Variants in CNOT4 observed in about 807,000 individuals in gnomAD.
The protein encoded by CNOT4 is CCR4-associated factor 4.
A neutral mutation model predicts 73.8 loss-of-function variants in CNOT4; 8 were observed. The ratio of observed to expected loss-of-function variants is 0.11; its 90% CI spans 0.06 to 0.20. The LOEUF (loss-of-function observed/expected upper bound fraction) is 0.20. Among genes scored for constraint, CNOT4 ranks in the 10% least tolerant of loss-of-function variants. The probability of loss-of-function intolerance (pLI) is 1.00; values close to 1 mark genes in which losing one functional copy is unlikely to be tolerated. For synonymous variants in CNOT4, 293 were observed against 321.1 expected (o/e 0.91, Z 0.94); for missense variants, 564 against 883.4 (o/e 0.64, Z 4.58).
chr7:135,449,925 T>C (rs370376950), intron 1 of CNOT4, among the ~76,000 whole-genome samples: 2 of 151,632 alleles, frequency 1.3e-5, no homozygotes, highest in East Asian at 3.9e-4. Flanking sequence ...CACAGAGAGG[T>C]AAAGAGACCC....
At chr7:135,453,478 G>C (rs529088175) in intron 1 of CNOT4, among the ~76,000 whole-genome samples, 39 of 151,698 alleles carry the variant, frequency 2.6e-4, no homozygotes, top group African/African-American at 9.4e-4. Context: ...GGAATATCCT[G>C]CCACCACTTC....
At chr7:135,390,892 T>C (rs1405148379) in intron 10 of CNOT4, among the ~76,000 whole-genome samples, 1 of 152,130 alleles carries the variant, frequency 6.6e-6, no homozygotes, top group Non-Finnish European at 1.5e-5. Flanking sequence ...GTTTAAAATA[T>C]TGTCTAAGTA....
At chr7:135,382,900 C>T (rs1032925819) in intron 10 of CNOT4, among the ~76,000 whole-genome samples, 3 of 152,082 alleles carry the variant, frequency 2.0e-5, no homozygotes, top group Non-Finnish European at 2.9e-5. Flanking sequence ...CCTACAGATA[C>T]CTAGGGATGA....
At chr7:135,486,252 AACAG>A (rs1802713759) in intron 1 of CNOT4, among the ~76,000 whole-genome samples, 1 of 152,166 alleles carries the variant, frequency 6.6e-6, no homozygotes, top group Non-Finnish European at 1.5e-5. Flanking sequence ...AAAAGACACA[AACAG>A]ACAATTCACT....
chr7:135,422,974 T>C (rs926113198), intron 2 of CNOT4, among the ~76,000 whole-genome samples: 1 of 152,160 alleles, frequency 6.6e-6, no homozygotes, highest in Non-Finnish European at 1.5e-5. Flanking sequence ...CACTGCATCC[T>C]AGCTCAGCCA....
intron 1 of CNOT4, among the ~76,000 whole-genome samples, chr7:135,449,488 A>C (rs1054004403): frequency 3.3e-5 from 5 of 152,234 alleles, no homozygotes; most frequent in Non-Finnish European, 7.3e-5. Context: ...TGTGATCAAT[A>C]AGCCCACATC....
chr7:135,439,272 C>T (rs753600245), intron 1 of CNOT4, among the ~76,000 whole-genome samples: 7 of 152,032 alleles, frequency 4.6e-5, no homozygotes, highest in South Asian at 2.1e-4. Context: ...ACCAAAATCA[C>T]GGTGGTAATT....
At chr7:135,468,395 T>A (rs965370876) in intron 1 of CNOT4, among the ~76,000 whole-genome samples, 5 of 150,874 alleles carry the variant, frequency 3.3e-5, no homozygotes, top group Non-Finnish European at 5.9e-5. Flanking sequence ...ATTTCACACA[T>A]CTCAGCTGGG....
intron 3 of CNOT4, among the ~76,000 whole-genome samples, chr7:135,416,984 T>C (rs996054838): frequency 1.3e-5 from 2 of 152,174 alleles, no homozygotes; most frequent in Non-Finnish European, 1.5e-5. Context: ...TTACAAAGTA[T>C]TTTCCCAGCT....
intron 1 of CNOT4, among the ~76,000 whole-genome samples, chr7:135,461,221 A>G (rs971425364): frequency 7.9e-5 from 12 of 152,298 alleles, no homozygotes; most frequent in Middle Eastern, 3.4e-3. Context: ...AATTTCATAT[A>G]TCCTCTTTTA....
chr7:135,383,885 T>G (rs1398158318), intron 10 of CNOT4, among the ~76,000 whole-genome samples: 1 of 151,988 alleles, frequency 6.6e-6, no homozygotes, highest in South Asian at 2.1e-4. Context: ...GATTATACAT[T>G]TCAATGTGGT....
intron 3 of CNOT4, among the ~76,000 whole-genome samples, chr7:135,420,454 G>A (rs1411117492): frequency 6.6e-6 from 1 of 151,576 alleles, no homozygotes; most frequent in Non-Finnish European, 1.5e-5. Flanking sequence ...ATATGCACCT[G>A]TAGACCCAGT....
chr7:135,384,017 A>C (rs1025980272), intron 10 of CNOT4, among the ~76,000 whole-genome samples: 1 of 152,248 alleles, frequency 6.6e-6, no homozygotes, highest in East Asian at 1.9e-4. Flanking sequence ...ATATATTTCA[A>C]CTTTAGAGAT....
chr7:135,374,853 T>G (rs974039186), intron 10 of CNOT4, among the ~76,000 whole-genome samples: 1 of 152,186 alleles, frequency 6.6e-6, no homozygotes, highest in African/African-American at 2.4e-5. Flanking sequence ...ATGGAAAAGA[T>G]CTAACCATTA....
chr7:135,389,157 C>CAAAAAAA (rs11292254), intron 10 of CNOT4, among the ~76,000 whole-genome samples: 7 of 83,670 alleles, frequency 8.4e-5, no homozygotes, highest in East Asian at 4.2e-4. Flanking sequence ...AACATACTAC[C>CAAAAAAA]AAAAAAAAAA....
intron 2 of CNOT4, among the ~76,000 whole-genome samples, chr7:135,423,235 G>A (rs1798288797): frequency 6.6e-6 from 1 of 151,700 alleles, no homozygotes; most frequent in South Asian, 2.1e-4. Flanking sequence ...CAACATAGGG[G>A]CACATTAAAT....
At chr7:135,381,180 A>G (rs1362779288) in intron 10 of CNOT4, among the ~76,000 whole-genome samples, 1 of 152,264 alleles carries the variant, frequency 6.6e-6, no homozygotes, top group African/African-American at 2.4e-5. Flanking sequence ...ACATGAATAG[A>G]CATAGGTCAA....
chr7:135,407,746 G>A (rs770752175), intron 7 of CNOT4, among the ~76,000 whole-genome samples: 55 of 152,214 alleles, frequency 3.6e-4, no homozygotes, highest in Middle Eastern at 3.4e-3. Context: ...GGCTGCTCTC[G>A]AACTCCTGGC....
chr7:135,384,384 G>A (rs113015041), intron 10 of CNOT4: 5,937 of 302,968 alleles, frequency 0.02, 361 homozygotes, highest in African/African-American at 0.12. Flanking sequence ...TCCTGGGTTC[G>A]CGCCATTCTC....
Sources: gnomAD v4.1 joint callset for allele counts (sites outside exome capture counted in the v4.1 genomes callset) on GRCh38, gnomAD v4.1.1 for gene constraint, MANE v1.5 for transcripts, NCBI Gene and HGNC (gene_info 2026-07-23, HGNC 2026-07-21) for gene names.